COP1: variants seen among roughly 807,000 people sequenced by gnomAD.
COP1 encodes E3 ubiquitin-protein ligase COP1.
Under a neutral mutation model 101.3 loss-of-function variants are expected in COP1, and 24 were observed. The observed-to-expected ratio is 0.24, with a 90% CI of 0.17 to 0.33. The LOEUF (loss-of-function observed/expected upper bound fraction) is 0.33. Among genes scored for constraint, COP1 ranks in the 10% least tolerant of loss-of-function variants. COP1 has a pLI of 1.00. For synonymous variants in COP1, 347 were observed against 341.9 expected (o/e 1.01, Z -0.17); for missense variants, 663 against 906.2 (o/e 0.73, Z 3.45).
chr1:176,136,210 A>T (rs1241016464), intron 7 of COP1, among the ~76,000 whole-genome samples: 1 of 152,142 alleles, frequency 6.6e-6, no homozygotes, highest in African/African-American at 2.4e-5. Flanking sequence ...GTTTTAAGTT[A>T]TGATGGCACT....
At chr1:176,062,874 C>T (rs1007078801) in intron 11 of COP1, among the ~76,000 whole-genome samples, 2 of 151,804 alleles carry the variant, frequency 1.3e-5, no homozygotes, top group South Asian at 2.1e-4. Context: ...ACAAGCTGGG[C>T]GAAATAAGCT....
intron 18 of COP1, among the ~76,000 whole-genome samples, chr1:175,950,535 A>C (rs1649756858): frequency 6.6e-6 from 1 of 152,196 alleles, no homozygotes; most frequent in Admixed American, 6.5e-5. Flanking sequence ...ATGACTGGTA[A>C]TTCCTAGTTG....
chr1:176,196,028 C>T (rs1051148334), intron 1 of COP1, among the ~76,000 whole-genome samples: 2 of 152,136 alleles, frequency 1.3e-5, no homozygotes, highest in African/African-American at 2.4e-5. Context: ...AAACAACATA[C>T]TTCTGAATAA....
chr1:176,036,232 A>C (rs972854435), intron 14 of COP1, among the ~76,000 whole-genome samples: 1 of 152,014 alleles, frequency 6.6e-6, no homozygotes, highest in African/African-American at 2.4e-5. Flanking sequence ...AAATGACATA[A>C]ACTTCAATCT....
intron 1 of COP1, among the ~76,000 whole-genome samples, chr1:176,188,151 T>C (rs1320437297): frequency 6.6e-6 from 1 of 152,034 alleles, no homozygotes; most frequent in African/African-American, 2.4e-5. Context: ...TAAAGTTTTG[T>C]CGTTTTTAAG....
intron 15 of COP1, among the ~76,000 whole-genome samples, chr1:175,998,480 A>G (rs1267348676): frequency 1.3e-5 from 2 of 150,312 alleles, no homozygotes; most frequent in Non-Finnish European, 2.9e-5. Flanking sequence ...AATTAAAAAA[A>G]GAGAAAAAAA....
chr1:176,186,690 C>T lies in COP1; in HGVS notation c.408-1998G>A, dbSNP rs183807238. Among the ~76,000 whole-genome samples the T allele has an allele frequency of 6.0e-4, 92 of 152,242 alleles. 1 individual carries two copies. In the Middle Eastern group the frequency reaches 0.027, roughly 45 times the overall value. On this transcript the variant is annotated intron_variant, in intron 1 of 19. Coordinates refer to ENST00000367669, the MANE Select transcript of COP1 (RefSeq NM_022457.7). ...CACAGTAATGAACCAGATCATTCTA[C>T]CTGCTATGCTGAAAAGAAGACTAAA...
chr1:176,117,415 G>A (rs1028933992), intron 8 of COP1, among the ~76,000 whole-genome samples: 2 of 152,012 alleles, frequency 1.3e-5, no homozygotes, highest in African/African-American at 4.8e-5. Flanking sequence ...CTCCAGAAGT[G>A]TAGACTATCT....
At chr1:175,968,325 T>C (rs1288584842) in intron 18 of COP1, 2 of 405,012 alleles carry the variant, frequency 4.9e-6, no homozygotes, top group Non-Finnish European at 9.9e-6. Context: ...TAAAAAATAA[T>C]ACAGTACTCA....
chr1:176,147,961 G>T (rs967871742), intron 6 of COP1, among the ~76,000 whole-genome samples: 2 of 151,916 alleles, frequency 1.3e-5, no homozygotes, highest in African/African-American at 4.8e-5. Flanking sequence ...GTGCAGTGGC[G>T]CGATCTCGGC....
intron 18 of COP1, among the ~76,000 whole-genome samples, chr1:175,948,098 C>A (rs1649413869): frequency 6.6e-6 from 1 of 152,116 alleles, no homozygotes; most frequent in African/African-American, 2.4e-5. Context: ...TTTTTAATAA[C>A]CTTGGTAATT....
chr1:175,983,273 C>A (rs1437593767), intron 18 of COP1, among the ~76,000 whole-genome samples: 1 of 152,154 alleles, frequency 6.6e-6, no homozygotes, highest in Admixed American at 6.5e-5. Context: ...GTGGAAGGGA[C>A]CCAGTGGGAG....
intron 6 of COP1, among the ~76,000 whole-genome samples, chr1:176,138,827 A>C (rs1690199584): frequency 6.6e-6 from 1 of 152,162 alleles, no homozygotes; most frequent in African/African-American, 2.4e-5. Context: ...CTTTGGGTTC[A>C]TGGACATTTT....
chr1:176,006,921 C>T lies in COP1; in HGVS notation c.1730-17442G>A, dbSNP rs949818181. On this transcript the variant is annotated intron_variant, in intron 15 of 19. Coordinates refer to ENST00000367669, the MANE Select transcript of COP1 (RefSeq NM_022457.7). ...GCCTTGCTAGATTGGGGAAGTTCTA[C>T]TGGATAATATCCTGCAGAGTGTTTT... 3.2e-4 allele frequency among the ~76,000 whole-genome samples: 48 copies of T among 152,176 alleles called. 1 individual carries two copies. Among genetic ancestry groups the T allele is most frequent in the Admixed American group, 3.9e-4 (6 of 15,282 alleles).
chr1:176,133,283 T>C (rs1242733755), intron 8 of COP1, among the ~76,000 whole-genome samples: 1 of 151,596 alleles, frequency 6.6e-6, no homozygotes, highest in Non-Finnish European at 1.5e-5. Flanking sequence ...TATATACGTA[T>C]GTACACATAT....
At chr1:176,116,599 TAA>T (rs749866479) in intron 9 of COP1, 23 bp downstream of exon 9, 1 of 1,567,586 alleles carries the variant, frequency 6.4e-7, no homozygotes, top group Admixed American at 1.7e-5. Context: ...ATGGTATCAT[TAA>T]AGCAAACAAA....
rs575091267 is a variant in COP1, at chr1:176,121,253, T to C, written c.969-4572A>G. Among the ~76,000 whole-genome samples the C allele has an allele frequency of 3.3e-5, 5 of 152,154 alleles. No individual in the cohort carries two copies. In the East Asian group the frequency reaches 9.6e-4, roughly 29 times the overall value. On this transcript the variant is annotated intron_variant, in intron 8 of 19. Coordinates refer to ENST00000367669, the MANE Select transcript of COP1 (RefSeq NM_022457.7). ...ATTTAATATTTTTAATATTTAATTT[T>C]AAATTAATAGTAAATCCCATTTATT...
intron 14 of COP1, among the ~76,000 whole-genome samples, chr1:176,038,194 C>A (rs1432823678): frequency 6.6e-6 from 1 of 151,920 alleles, no homozygotes; most frequent in Non-Finnish European, 1.5e-5. Context: ...AAATAAAATA[C>A]CTGCGAAACT....
At chr1:176,132,302 T>C (rs1328412309) in intron 8 of COP1, among the ~76,000 whole-genome samples, 1 of 151,834 alleles carries the variant, frequency 6.6e-6, no homozygotes, top group Non-Finnish European at 1.5e-5. Context: ...TCAACTTAAA[T>C]GTCACCTCCT....
Sources: gnomAD v4.1 joint callset for allele counts (sites outside exome capture counted in the v4.1 genomes callset) on GRCh38, gnomAD v4.1.1 for gene constraint, MANE v1.5 for transcripts, NCBI Gene and HGNC (gene_info 2026-07-23, HGNC 2026-07-21) for gene names.